The following ZNF90 variants were observed in gnomAD, a reference collection of about 807,000 sequenced individuals.
The protein encoded by ZNF90 is zinc finger protein HTF9.
ZNF90 carries 11 observed loss-of-function variants against 12.0 expected under a neutral mutation model. The observed-to-expected ratio is 0.92, with a 90% CI of 0.58 to 1.52. The LOEUF is 1.52. Ranked by LOEUF, ZNF90 falls within the 40% of genes most tolerant of loss-of-function variation. The probability of loss-of-function intolerance (pLI) is 0.00; values close to 1 mark genes in which losing one functional copy is unlikely to be tolerated. For synonymous variants in ZNF90, 232 were observed against 240.1 expected (o/e 0.97, Z 0.31); for missense variants, 765 against 711.5 (o/e 1.08, Z -0.86).
intron 1 of ZNF90, among the ~76,000 whole-genome samples, chr19:20,103,350 C>T (rs1281016759): frequency 5.3e-5 from 8 of 152,240 alleles, no homozygotes; most frequent in Admixed American, 4.6e-4. Flanking sequence ...AGTCTAGACA[C>T]ATTCCAGAGG....
Position 20,117,960 on chromosome 19 carries a change from T to C in ZNF90, c.406T>C (p.Cys136Arg). The change falls in exon 4 of 4, where the codon TGT becomes CGT. Residue 136 changes from cysteine (C) to arginine (R), a missense_variant. Transcript: ENST00000418063. The part of the protein sequence containing the change: ...HKRGYNGLNQ[C>R]LTATQSKVFQ... ...AAGAGGTTATAATGGACTTAACCAATGTTTGACAGCTACCCAGAGCAAAGT... is the reference window on the plus strand; with the variant it reads ...AAGAGGTTATAATGGACTTAACCAACGTTTGACAGCTACCCAGAGCAAAGT... The C allele has an allele frequency of 6.2e-7, 1 of 1,613,550 alleles. No individual in the cohort carries two copies. Among genetic ancestry groups the C allele is most frequent in the Non-Finnish European group, 8.5e-7 (1 of 1,179,782 alleles).
chr19:20,120,794 C>T lies in ZNF90; in HGVS notation c.*1434C>T, dbSNP rs948782720. The T allele has an allele frequency of 1.3e-5, 2 of 151,982 alleles. No homozygotes were observed. The highest frequency in any genetic ancestry group is 2.9e-5 in the Non-Finnish European group (2 of 67,968). 9.4% of individuals were successfully genotyped at this position (151,982 alleles called of 1,614,324 possible). A position where few individuals can be genotyped will look rare whatever the true frequency, so the allele number is the denominator to read the frequency against. ...ATTACATTGAAAGTATACTTGCTTTCTTGAGAAAAAATTTTTGAAAAGTGA... is the reference window on the plus strand; with the variant it reads ...ATTACATTGAAAGTATACTTGCTTTTTTGAGAAAAAATTTTTGAAAAGTGA... On this transcript the variant is annotated 3_prime_UTR_variant, in exon 4 of 4. Coordinates refer to ENST00000418063, the MANE Select transcript of ZNF90 (RefSeq NM_007138.2).
rs1232997548 is a variant in ZNF90, at chr19:20,119,546, A to C, written c.*186A>C. On this transcript the variant is annotated 3_prime_UTR_variant, in exon 4 of 4. Transcript: ENST00000418063. ...CATTTTAAGGAAGTTCTCAACCCTT[A>C]CTACACATAATTCATACTGGACGGA... 2 of 595,618 alleles carry C rather than the reference A, an allele frequency of 3.4e-6. No homozygotes were observed. The highest frequency in any genetic ancestry group is 1.9e-5 in the African/African-American group (1 of 53,836). 36.9% of individuals were successfully genotyped at this position (595,618 alleles called of 1,614,324 possible). A position where few individuals can be genotyped will look rare whatever the true frequency, so the allele number is the denominator to read the frequency against.
intron 1 of ZNF90, among the ~76,000 whole-genome samples, chr19:20,093,780 C>T (rs1030243569): frequency 5.9e-5 from 9 of 152,066 alleles, no homozygotes; most frequent in East Asian, 1.9e-4. Flanking sequence ...GCCCCCGTAT[C>T]GATTAAACAG....
chr19:20,080,626 T>C (rs1296612149), intron 1 of ZNF90: 1 of 182,454 alleles, frequency 5.5e-6, no homozygotes, highest in African/African-American at 2.4e-5. Context: ...TCTTATACAT[T>C]AAACCGGTAA....
intron 1 of ZNF90, among the ~76,000 whole-genome samples, chr19:20,096,733 G>A (rs1015180804): frequency 2.6e-5 from 4 of 152,190 alleles, no homozygotes; most frequent in Admixed American, 2.6e-4. Flanking sequence ...GCATATACGT[G>A]CAGGTCACAG....
At position 20,120,549 on chromosome 19, in the gene ZNF90, C is replaced by T. The variant is rs2089186468; in HGVS notation, c.*1189C>T. On this transcript the variant is annotated 3_prime_UTR_variant, in exon 4 of 4. Transcript: ENST00000418063. ...TTCAAAAACTACAGCTTAGAAAACA[C>T]CAGAGAGTTGATACTAAAATATATG... is the stretch of plus-strand genomic sequence containing the variant. Among the ~76,000 whole-genome samples the T allele has an allele frequency of 6.6e-6, 1 of 151,768 alleles. No individual in the cohort carries two copies. The highest frequency in any genetic ancestry group is 1.5e-5 in the Non-Finnish European group (1 of 67,922).
chr19:20,106,751 C>T (rs2089042892), intron 3 of ZNF90, among the ~76,000 whole-genome samples: 1 of 152,138 alleles, frequency 6.6e-6, no homozygotes, highest in South Asian at 2.1e-4. Context: ...CTGCGCCCGG[C>T]CCAGGTTTTC....
chr19:20,113,692 T>G (rs1338845532), intron 3 of ZNF90, among the ~76,000 whole-genome samples: 1 of 151,870 alleles, frequency 6.6e-6, no homozygotes, highest in East Asian at 2.0e-4. Flanking sequence ...GCCGGGCGTG[T>G]TGGCGGGCGC....
At chr19:20,083,618 C>T (rs376707566) in intron 1 of ZNF90, among the ~76,000 whole-genome samples, 9 of 152,150 alleles carry the variant, frequency 5.9e-5, no homozygotes, top group African/African-American at 1.2e-4. Flanking sequence ...TGAGCCACCA[C>T]GCCCAGGCTC....
intron 1 of ZNF90, among the ~76,000 whole-genome samples, chr19:20,091,687 G>A (rs116316674): frequency 9.7e-4 from 147 of 152,304 alleles, no homozygotes; most frequent in African/African-American, 3.5e-3. Flanking sequence ...GAAGTAAAGT[G>A]GTCTTGAGCA....
At chr19:20,115,837 G>C (rs1306279054) in intron 3 of ZNF90, among the ~76,000 whole-genome samples, 1 of 151,878 alleles carries the variant, frequency 6.6e-6, no homozygotes, top group Non-Finnish European at 1.5e-5. Context: ...AGTTGTCTGT[G>C]TTTCCATTTC....
At chr19:20,109,612 G>A (rs1312200826) in intron 3 of ZNF90, among the ~76,000 whole-genome samples, 4 of 151,750 alleles carry the variant, frequency 2.6e-5, no homozygotes, top group South Asian at 2.1e-4. Flanking sequence ...TGTGGCTCTC[G>A]TCTGTAATCC....
intron 1 of ZNF90, among the ~76,000 whole-genome samples, chr19:20,097,357 G>A (rs782766920): frequency 6.6e-6 from 1 of 152,150 alleles, no homozygotes; most frequent in Non-Finnish European, 1.5e-5. Context: ...CACAGTGCAC[G>A]CTGTCCCCTA....
chr19:20,109,583 TC>T (rs1427361564), intron 3 of ZNF90, among the ~76,000 whole-genome samples: 1 of 152,068 alleles, frequency 6.6e-6, no homozygotes, highest in Non-Finnish European at 1.5e-5. Flanking sequence ...AAAGTGTACA[TC>T]ACAGGGTCAG....
rs116949750 is a variant in ZNF90, at chr19:20,079,041, C to T, written c.3+906C>T. ...GGCTGAGGCCCGAGAATTGCTTGAA[C>T]TCGGGAGGCAGAGGTTGCAGTGAGC... On this transcript the variant is annotated intron_variant, in intron 1 of 3. Coordinates refer to ENST00000418063, the MANE Select transcript of ZNF90 (RefSeq NM_007138.2). 9.5e-3 allele frequency among the ~76,000 whole-genome samples: 1,429 copies of T among 150,522 alleles called. 9 individuals carry two copies. The highest frequency in any genetic ancestry group is 0.034 in the Middle Eastern group (10 of 294).
intron 3 of ZNF90, among the ~76,000 whole-genome samples, chr19:20,115,743 T>G (rs920556440): frequency 2.6e-5 from 4 of 152,138 alleles, no homozygotes; most frequent in African/African-American, 9.6e-5. Flanking sequence ...ATTTTTCAGT[T>G]ACTTTTTGTA....
chr19:20,099,448 GTCTATCA>G (rs779340271), intron 1 of ZNF90, among the ~76,000 whole-genome samples: 65 of 152,166 alleles, frequency 4.3e-4, no homozygotes, highest in Non-Finnish European at 7.3e-4. Context: ...GGGAGGAACG[GTCTATCA>G]TCCTGTCCTG....
intron 1 of ZNF90, among the ~76,000 whole-genome samples, chr19:20,090,243 G>A (rs1435148225): frequency 6.6e-6 from 1 of 152,126 alleles, no homozygotes; most frequent in Non-Finnish European, 1.5e-5. Flanking sequence ...TTTGGGGCTC[G>A]GCCTAAGTGG....
Sources: gnomAD v4.1 joint callset for allele counts (sites outside exome capture counted in the v4.1 genomes callset) on GRCh38, gnomAD v4.1.1 for gene constraint, MANE v1.5 for transcripts, NCBI Gene and HGNC (gene_info 2026-07-23, HGNC 2026-07-21) for gene names.